Variants in PAK1 observed in about 807,000 individuals in gnomAD.
The protein encoded by PAK1 is p21 (RAC1) activated kinase 1, also known as serine/threonine-protein kinase PAK 1.
Under a neutral mutation model 67.4 loss-of-function variants are expected in PAK1, and 29 were observed. The observed-to-expected ratio is 0.43, with a 90% CI of 0.32 to 0.59. PAK1 has a LOEUF of 0.59. Among genes scored for constraint, PAK1 ranks in the 20% least tolerant of loss-of-function variants. PAK1 has a pLI of 0.07. For missense variants in PAK1, 337 were observed against 670.7 expected (o/e 0.50, Z 5.50); for synonymous variants, 223 against 237.4 (o/e 0.94, Z 0.56).
chr11:77,435,744 G>A (rs1192730241), intron 1 of PAK1, among the ~76,000 whole-genome samples: 2 of 143,018 alleles, frequency 1.4e-5, no homozygotes, highest in East Asian at 2.1e-4. Context: ...TCCTGACCTC[G>A]TGATCCGCCT....
intron 11 of PAK1, among the ~76,000 whole-genome samples, chr11:77,340,184 T>C (rs1943373336): frequency 6.6e-6 from 1 of 152,166 alleles, no homozygotes; most frequent in East Asian, 1.9e-4. Flanking sequence ...TTTACTCAAA[T>C]CTATAGCAAA....
Position 77,412,868 on chromosome 11 carries a change from A to G in PAK1, c.-21-20327T>C, listed in dbSNP as rs544784949. The stretch of plus-strand genomic sequence containing the variant: ...AGGGAAAATGTCCAGGGCTCATACA[A>G]TAAGTATTTTTTAACCAACTATTGT... On this transcript the variant is annotated intron_variant, in intron 1 of 14. Coordinates refer to ENST00000356341, the MANE Select transcript of PAK1 (RefSeq NM_002576.5). 2.3e-4 allele frequency among the ~76,000 whole-genome samples: 35 copies of G among 152,378 alleles called. No individual in the cohort carries two copies. In the East Asian group the frequency reaches 3.9e-3, roughly 17 times the overall value.
At chr11:77,453,309 G>A (rs57305199) in intron 1 of PAK1, among the ~76,000 whole-genome samples, 9,562 of 152,050 alleles carry the variant, frequency 0.063, 667 homozygotes, top group East Asian at 0.24. Flanking sequence ...AGCCGAGATC[G>A]CGCCATTGCA....
chr11:77,448,060 A>T (rs1026964469), intron 1 of PAK1, among the ~76,000 whole-genome samples: 1 of 152,228 alleles, frequency 6.6e-6, no homozygotes, highest in East Asian at 1.9e-4. Flanking sequence ...AGGAGTCAGA[A>T]GAATAGTTCC....
intron 1 of PAK1, among the ~76,000 whole-genome samples, chr11:77,414,640 GAAGA>G (rs1954850129): frequency 2.6e-5 from 4 of 152,306 alleles, no homozygotes; most frequent in Admixed American, 2.6e-4. Context: ...GAAATTCAAT[GAAGA>G]AAGGACAGTC....
At chr11:77,379,767 G>A (rs1345798511) in intron 3 of PAK1, 127 bp downstream of exon 3, 10 of 688,364 alleles carry the variant, frequency 1.5e-5, no homozygotes, top group East Asian at 1.1e-4. Flanking sequence ...ACTCATGAAC[G>A]TGAGAAAATT....
At chr11:77,472,045 T>A (rs141034553) in intron 1 of PAK1, among the ~76,000 whole-genome samples, 2 of 152,276 alleles carry the variant, frequency 1.3e-5, no homozygotes, top group Non-Finnish European at 2.9e-5. Flanking sequence ...CTTGTCTACC[T>A]CACCCATTAG....
chr11:77,481,654 A>G, the PAK1 span, among the ~76,000 whole-genome samples: 2 of 142,460 alleles, frequency 1.4e-5, no homozygotes, highest in African/African-American at 2.7e-5. Flanking sequence ...CAGCCTGGTG[A>G]CAGAGGGAGA....
At chr11:77,470,709 G>C (rs1407243498) in intron 1 of PAK1, among the ~76,000 whole-genome samples, 1 of 152,166 alleles carries the variant, frequency 6.6e-6, no homozygotes, top group Non-Finnish European at 1.5e-5. Flanking sequence ...AAAAACCACA[G>C]GAGACCAGGA....
At chr11:77,409,142 T>A (rs564094576) in intron 1 of PAK1, among the ~76,000 whole-genome samples, 1 of 152,032 alleles carries the variant, frequency 6.6e-6, no homozygotes, top group Admixed American at 6.5e-5. Flanking sequence ...CATGCTGACA[T>A]GTGCCTGCAG....
chr11:77,429,056 T>C (rs1439090042), intron 1 of PAK1, among the ~76,000 whole-genome samples: 2 of 48,998 alleles, frequency 4.1e-5, no homozygotes, highest in African/African-American at 1.3e-4. Context: ...CATTTAATAC[T>C]AAAAAAAAAA....
chr11:77,407,651 C>G (rs144330954), intron 1 of PAK1, among the ~76,000 whole-genome samples: 1 of 152,302 alleles, frequency 6.6e-6, no homozygotes, highest in East Asian at 1.9e-4. Flanking sequence ...AATCCCTATT[C>G]TATAGAGGCC....
Position 77,340,632 on chromosome 11 carries a change from G to C in PAK1, c.1116+14C>G, listed in dbSNP as rs558024154. 11 of 1,324,240 alleles carry C rather than the reference G, an allele frequency of 8.3e-6. No homozygotes were observed. Among genetic ancestry groups the C allele is most frequent in the East Asian group, 4.6e-5 (2 of 43,596 alleles). 82.0% of individuals were successfully genotyped at this position (1,324,240 alleles called of 1,614,324 possible). A position where few individuals can be genotyped will look rare whatever the true frequency, so the allele number is the denominator to read the frequency against. On this transcript the variant is annotated intron_variant, in intron 11 of 14. Transcript: ENST00000356341. ...GCAGCTTTCTACCCAAGACTGCTTG[G>C]CCCTTGGCCTTACCTCACGGCACAC... is the stretch of plus-strand genomic sequence containing the variant.
intron 1 of PAK1, among the ~76,000 whole-genome samples, chr11:77,432,512 G>A (rs1391263379): frequency 3.3e-5 from 5 of 152,116 alleles, no homozygotes. Flanking sequence ...AAGCAGTTTA[G>A]CTGGTTGTGG....
chr11:77,381,627 T>C (rs557121917), intron 2 of PAK1, among the ~76,000 whole-genome samples: 30 of 152,364 alleles, frequency 2.0e-4, no homozygotes, highest in Non-Finnish European at 4.0e-4. Context: ...GATGTCAATA[T>C]AGTATTTTTC....
At chr11:77,379,452 AG>A (rs1455757179) in intron 3 of PAK1, 64 bp from the exon 4 acceptor site, 1 of 1,513,954 alleles carries the variant, frequency 6.6e-7, no homozygotes, top group East Asian at 2.3e-5. Context: ...AAAGAACATC[AG>A]AGCTAACTTT....
intron 1 of PAK1, among the ~76,000 whole-genome samples, chr11:77,431,753 A>G (rs1955870190): frequency 6.6e-6 from 1 of 152,222 alleles, no homozygotes. Context: ...TAATTTCACA[A>G]CATGTCATAA....
intron 1 of PAK1, among the ~76,000 whole-genome samples, chr11:77,425,945 A>G (rs1444680630): frequency 1.3e-5 from 2 of 152,084 alleles, no homozygotes; most frequent in Admixed American, 6.6e-5. Flanking sequence ...GTGACAGAGC[A>G]AGACCCTGTT....
intron 10 of PAK1, among the ~76,000 whole-genome samples, chr11:77,341,955 A>C (rs1943671421): frequency 6.6e-6 from 1 of 152,192 alleles, no homozygotes; most frequent in Non-Finnish European, 1.5e-5. Context: ...TTCTTCAACA[A>C]TCTCTTTTGA....
Sources: gnomAD v4.1 joint callset for allele counts (sites outside exome capture counted in the v4.1 genomes callset) on GRCh38, gnomAD v4.1.1 for gene constraint, MANE v1.5 for transcripts, NCBI Gene and HGNC (gene_info 2026-07-23, HGNC 2026-07-21) for gene names.